PHACTR2: variants seen among roughly 807,000 people sequenced by gnomAD.
PHACTR2 encodes phosphatase and actin regulator 2, also known as chromosome 6 open reading frame 56.
A neutral mutation model predicts 76.0 loss-of-function variants in PHACTR2; 30 were observed. The ratio of observed to expected loss-of-function variants is 0.39; its 90% CI spans 0.30 to 0.54. The LOEUF is 0.54. Ranked by LOEUF, PHACTR2 falls within the 20% of genes least tolerant of loss-of-function variation. PHACTR2 has a pLI of 0.61. For synonymous variants in PHACTR2, 292 were observed against 292.5 expected (o/e 1.00, Z 0.02); for missense variants, 696 against 781.1 (o/e 0.89, Z 1.30).
At chr6:143,650,352 G>A (rs748592977) in intron 1 of PHACTR2, among the ~76,000 whole-genome samples, 24 of 152,078 alleles carry the variant, frequency 1.6e-4, no homozygotes, top group Non-Finnish European at 2.9e-4. Flanking sequence ...TAAAATTCAT[G>A]TGGAACCAAA....
In PHACTR2 at chr6:143,618,606, TGG is replaced by T. The variant is rs11334578; in HGVS notation, c.13+10291_13+10292del. ...TCCACCAGGGACTGGCAGGGGAGGCTGGGGGGGGATAGGGGTTGAATGTTTCC... is the reference window on the plus strand; with the variant it reads ...TCCACCAGGGACTGGCAGGGGAGGCTGGGGGGATAGGGGTTGAATGTTTCC... On this transcript the variant is annotated intron_variant, in intron 1 of 11. Transcript: ENST00000305766. The surrounding 1 kb of genome is among the most constrained non-coding windows in gnomAD (Gnocchi z 5.2). 6.6e-6 allele frequency among the ~76,000 whole-genome samples: 1 copy of T among 151,096 alleles called. No homozygotes were observed. The highest frequency in any genetic ancestry group is 2.4e-5 in the African/African-American group (1 of 41,002).
rs1218228044 is a variant in PHACTR2 at position 143,775,336 on chromosome 6, C to T, written c.1589+1121C>T. Among the ~76,000 whole-genome samples, 1 of 152,160 alleles carries T rather than the reference C, an allele frequency of 6.6e-6. No individual in the cohort carries two copies. The highest frequency in any genetic ancestry group is 2.4e-5 in the African/African-American group (1 of 41,428). On this transcript the variant is annotated intron_variant, in intron 8 of 12. Transcript: ENST00000440869. The surrounding 1 kb of genome is among the most constrained non-coding windows in gnomAD (Gnocchi z 4.4). The stretch of plus-strand genomic sequence containing the variant: ...ATTTGGGAATGTTTACCAGTGGTCT[C>T]TCTCGCTCTCGTCTTCTTAATTCAG...
intron 2 of PHACTR2, among the ~76,000 whole-genome samples, chr6:143,725,328 G>A (rs1017967755): frequency 1.2e-4 from 18 of 148,278 alleles, no homozygotes; most frequent in African/African-American, 4.0e-4. Flanking sequence ...AGCCTCCCGA[G>A]TAGCTGGGAC....
At chr6:143,643,228 C>A (rs1582729455) in intron 1 of PHACTR2, among the ~76,000 whole-genome samples, 1 of 152,010 alleles carries the variant, frequency 6.6e-6, no homozygotes, top group East Asian at 1.9e-4. Flanking sequence ...TAATCTATCC[C>A]CTGACTACTT....
At chr6:143,608,050 G>T (rs1775907054), upstream of PHACTR2, 2 of 534,256 alleles carry the variant, frequency 3.7e-6, no homozygotes, top group Admixed American at 6.3e-5. The surrounding 1 kb of genome is among the most constrained non-coding windows in gnomAD (Gnocchi z 4.6). Context: ...GCTTAGAGCA[G>T]AGGTGGAAAC....
In PHACTR2 at chr6:143,563,555, A is replaced by AAAAAAAAAC. The variant is rs1284115462; in HGVS notation, c.217+26356_217+26357insCAAAAAAAA. On this transcript the variant is annotated intron_variant, in intron 1 of 11. Coordinates refer to the PHACTR2 transcript ENST00000367584. Reference sequence around the variant, plus strand: ...TGGGCGACACAAACTCCGTCTCAAAAAAAAAAAAAAAAAAAAGAAGAAACC... The same window carrying AAAAAAAAAC: ...TGGGCGACACAAACTCCGTCTCAAAAAAAAAAAACAAAAAAAAAAAAAAAAGAAGAAACC... 3.0e-3 allele frequency among the ~76,000 whole-genome samples: 412 copies of AAAAAAAAAC among 136,548 alleles called. 2 individuals are homozygous for AAAAAAAAAC. Among genetic ancestry groups the AAAAAAAAAC allele is most frequent in the Non-Finnish European group, 4.8e-3 (315 of 65,342 alleles). The allele number at this position is 136,548 out of a possible 152,430, so 89.6% of individuals were successfully genotyped here.
At chr6:143,693,901 ATACAAAGAACAGAAAAAATT>A (rs1242946989) in intron 1 of PHACTR2, among the ~76,000 whole-genome samples, 2 of 152,126 alleles carry the variant, frequency 1.3e-5, no homozygotes, top group Admixed American at 6.5e-5. Flanking sequence ...AAACCCGTCT[ATACAAAGAACAGAAAAAATT>A]ATGTGGGTGT....
chr6:143,672,365 G>A lies in PHACTR2; in HGVS notation c.14-39651G>A, dbSNP rs13200989. Among the ~76,000 whole-genome samples the A allele has an allele frequency of 0.086, 13,118 of 152,040 alleles. 678 individuals are homozygous for A. Among genetic ancestry groups the A allele is most frequent in the Middle Eastern group, 0.14 (41 of 290 alleles). On this transcript the variant is annotated intron_variant, in intron 1 of 11. Coordinates refer to the PHACTR2 transcript ENST00000305766. The surrounding 1 kb of genome is among the most constrained non-coding windows in gnomAD (Gnocchi z 5.8). ...AGTCCCAGCTACTCTGGAGGCTGAG[G>A]TGGGAGGATTGCTTGAGCCCAGGAG... is the stretch of plus-strand genomic sequence containing the variant.
Position 143,787,784 on chromosome 6 carries a change from C to T in PHACTR2, c.1708-989C>T, listed in dbSNP as rs978846451. ...ATAAAAAAAAAATAAGCAATATCTCCGGAGAGGACCACTTAGATGATGGGT... is the reference window on the plus strand; with the variant it reads ...ATAAAAAAAAAATAAGCAATATCTCTGGAGAGGACCACTTAGATGATGGGT... On this transcript the variant is annotated intron_variant, in intron 10 of 12. Transcript: ENST00000440869. The surrounding 1 kb of genome is among the most constrained non-coding windows in gnomAD (Gnocchi z 4.6). Among the ~76,000 whole-genome samples the T allele has an allele frequency of 1.3e-5, 2 of 152,002 alleles. No individual in the cohort carries two copies. The highest frequency in any genetic ancestry group is 1.5e-5 in the Non-Finnish European group (1 of 68,010).
intron 1 of PHACTR2, among the ~76,000 whole-genome samples, chr6:143,575,062 A>G (rs1775489521): frequency 6.6e-6 from 1 of 152,260 alleles, no homozygotes; most frequent in Non-Finnish European, 1.5e-5. Context: ...AACATAATTA[A>G]GAGATGATAA....
Position 143,765,643 on chromosome 6 carries a change from T to A in PHACTR2, c.1077T>A (p.Thr359=). 2 of 1,614,204 alleles carry A rather than the reference T, an allele frequency of 1.2e-6. No homozygotes were observed. Among genetic ancestry groups the A allele is most frequent in the Non-Finnish European group, 1.7e-6 (2 of 1,180,028 alleles). The change falls in exon 6 of 13, where the codon ACT becomes ACA. Residue 359 remains threonine, a synonymous_variant. Transcript: ENST00000440869. This position sits in a 1 kb window ranked among gnomAD's most constrained non-coding sequence, Gnocchi z 4.1. ...TCCCTCTTGAGGATCAGTGCATTAC[T>A]GCCTCAGACACTCCAGTTGTCCTCG... is the stretch of plus-strand genomic sequence containing the variant. ...PPLPLEDQCI[T]ASDTPVVLVS...
chr6:143,785,293 G>C (rs1227082540), intron 10 of PHACTR2, among the ~76,000 whole-genome samples: 1 of 152,210 alleles, frequency 6.6e-6, no homozygotes, highest in East Asian at 1.9e-4. Context: ...CTGAAATCCA[G>C]TGGGGCAGCC....
At chr6:143,766,379 T>G (rs115251111) in intron 6 of PHACTR2, among the ~76,000 whole-genome samples, 282 of 152,332 alleles carry the variant, frequency 1.9e-3, no homozygotes, top group African/African-American at 6.5e-3. Context: ...CAACATGTCT[T>G]ACATAAGACA....
rs1406174885 is a variant in PHACTR2, at chr6:143,733,053, C to T, written c.215-15932C>T. ...CAAAGGCATGCACCACAACACCCAA[C>T]TTAATTTTAAAAAAAAATTTTTTTT... On this transcript the variant is annotated intron_variant, in intron 2 of 12. Transcript: ENST00000440869. This position sits in a 1 kb window ranked among gnomAD's most constrained non-coding sequence, Gnocchi z 4.0. Among the ~76,000 whole-genome samples the T allele has an allele frequency of 6.6e-6, 1 of 152,056 alleles. No homozygotes were observed. The highest frequency in any genetic ancestry group is 1.5e-5 in the Non-Finnish European group (1 of 68,002).
chr6:143,575,067 T>C (rs539385444), intron 1 of PHACTR2, among the ~76,000 whole-genome samples: 3 of 152,332 alleles, frequency 2.0e-5, no homozygotes, highest in Admixed American at 2.0e-4. Flanking sequence ...AATTAAGAGA[T>C]GATAAACAAA....
chr6:143,815,207 G>A (rs1776272334), intron 12 of PHACTR2, among the ~76,000 whole-genome samples: 1 of 152,160 alleles, frequency 6.6e-6, no homozygotes, highest in South Asian at 2.1e-4. Context: ...TTGAAAGCAA[G>A]GCTCAGTATT....
rs6917777 is a variant in PHACTR2 at position 143,759,643 on chromosome 6, T to A, written c.455-758T>A. On this transcript the variant is annotated intron_variant, in intron 4 of 12. Transcript: ENST00000440869. ...GACCCTATCTGAAAAAAAAAAAAAA[T>A]TTTTTTTTTAAGATTTTCTTTCATG... is the stretch of plus-strand genomic sequence containing the variant. Among the ~76,000 whole-genome samples the A allele has an allele frequency of 7.9e-3, 1,121 of 142,580 alleles. 16 individuals carry two copies. The highest frequency in any genetic ancestry group is 0.028 in the African/African-American group (1,033 of 37,196). 93.5% of individuals were successfully genotyped at this position (142,580 alleles called of 152,430 possible).
intron 1 of PHACTR2, among the ~76,000 whole-genome samples, chr6:143,574,702 A>G (rs1775486067): frequency 6.6e-6 from 1 of 152,116 alleles, no homozygotes; most frequent in Admixed American, 6.5e-5. Flanking sequence ...TAAAAAAAAA[A>G]AAGCAGTGGC....
intron 6 of PHACTR2, among the ~76,000 whole-genome samples, chr6:143,766,183 A>G (rs1488133483): frequency 1.3e-5 from 2 of 152,196 alleles, no homozygotes; most frequent in Non-Finnish European, 2.9e-5. Context: ...CCAAGAACAT[A>G]AAGAAGATCA....
Sources: gnomAD v4.1 joint callset for allele counts (sites outside exome capture counted in the v4.1 genomes callset) on GRCh38, gnomAD v4.1.1 for gene constraint, Gnocchi (gnomAD v3.1) non-coding constraint, MANE v1.5 for transcripts, NCBI Gene and HGNC (gene_info 2026-07-23, HGNC 2026-07-21) for gene names.